DAAM1: variants seen among roughly 807,000 people sequenced by gnomAD.
The protein encoded by DAAM1 is dishevelled associated activator of morphogenesis 1.
DAAM1 carries 52 observed loss-of-function variants against 130.0 expected under a neutral mutation model. The observed-to-expected ratio is 0.40, with a 90% confidence interval of 0.32 to 0.50. The LOEUF (loss-of-function observed/expected upper bound fraction) is 0.50. Among genes scored for constraint, DAAM1 ranks in the 20% least tolerant of loss-of-function variants. DAAM1 has a pLI of 0.61. For synonymous variants in DAAM1, 452 were observed against 444.5 expected (o/e 1.02, Z -0.21); for missense variants, 1,134 against 1,303.8 (o/e 0.87, Z 2.01).
At chr14:59,346,833 G>C (rs1281733541) in intron 16 of DAAM1, among the ~76,000 whole-genome samples, 1 of 151,974 alleles carries the variant, frequency 6.6e-6, no homozygotes. Context: ...TATGTTGATG[G>C]TAGACAGAAA....
chr14:59,265,552 G>C (rs573621358), intron 2 of DAAM1: 1 of 152,326 alleles, frequency 6.6e-6, no homozygotes, highest in South Asian at 2.1e-4. Context: ...GTGTGGTGTG[G>C]GTCAAGGAGA....
intron 12 of DAAM1, among the ~76,000 whole-genome samples, chr14:59,327,402 C>CTTCTTTTT (rs1885248870): frequency 1.7e-5 from 1 of 58,992 alleles, no homozygotes; most frequent in African/African-American, 7.7e-5. Flanking sequence ...CACTTGGTTT[C>CTTCTTTTT]TTTTTTTTTT....
Position 59,331,290 on chromosome 14 carries a change from C to T in DAAM1, c.1642C>T (p.Leu548Phe). Residue 548 changes from leucine (L) to phenylalanine (F), a missense_variant, in exon 14 of 25, where the codon CTC becomes TTC. Leu to Phe is a conservative substitution (Grantham distance 22). Transcript: ENST00000360909. ...GPFPSSVPGS[L>F]LPPPPPPPLP... is the part of the protein sequence containing the mutation. Reference sequence around the variant, plus strand: ...CTTTCCTTCCTCTGTGCCTGGATCTCTCCTTCCTCCCCCACCACCCCCACC... The same window carrying T: ...CTTTCCTTCCTCTGTGCCTGGATCTTTCCTTCCTCCCCCACCACCCCCACC... The T allele has an allele frequency of 1.2e-6, 2 of 1,612,690 alleles. No individual in the cohort carries two copies. Among genetic ancestry groups the T allele is most frequent in the Non-Finnish European group, 1.7e-6 (2 of 1,179,968 alleles).
rs1329538817 is a variant in DAAM1 at position 59,370,924 on chromosome 14, C to A, written c.*2065C>A. The A allele has an allele frequency of 6.6e-6, 1 of 152,020 alleles. No individual in the cohort carries two copies. Among genetic ancestry groups the A allele is most frequent in the Non-Finnish European group, 1.5e-5 (1 of 67,994 alleles). 9.4% of individuals were successfully genotyped at this position (152,020 alleles called of 1,614,324 possible). On this transcript the variant is annotated 3_prime_UTR_variant, in exon 25 of 25. Coordinates refer to ENST00000360909, the MANE Select transcript of DAAM1 (RefSeq NM_001270520.2). ...TTTGTCTTACAGTTTAAGGAATAGACAGGTGGAGGGAAAGTCACATAAAGG... is the reference window on the plus strand; with the variant it reads ...TTTGTCTTACAGTTTAAGGAATAGAAAGGTGGAGGGAAAGTCACATAAAGG...
chr14:59,292,079 C>T (rs1423396274), intron 3 of DAAM1, among the ~76,000 whole-genome samples: 2 of 152,112 alleles, frequency 1.3e-5, no homozygotes, highest in African/African-American at 2.4e-5. Flanking sequence ...AACCCTGTAG[C>T]AGATTCTGAG....
chr14:59,360,772 T>A, intron 21 of DAAM1, 30 bp from the exon 22 acceptor site: 1 of 1,606,192 alleles, frequency 6.2e-7, no homozygotes, highest in Non-Finnish European at 8.5e-7. Flanking sequence ...AGTCACATGT[T>A]GATTGCTAAA....
At chr14:59,202,577 G>C (rs1888139553) in intron 1 of DAAM1, among the ~76,000 whole-genome samples, 2 of 152,170 alleles carry the variant, frequency 1.3e-5, no homozygotes, top group South Asian at 2.1e-4. Flanking sequence ...TATGTTCTTA[G>C]AGAAACCCCC....
At chr14:59,326,713 T>G (rs779557769) in intron 11 of DAAM1, 65 bp downstream of exon 11, 12 of 1,581,914 alleles carry the variant, frequency 7.6e-6, no homozygotes, top group Non-Finnish European at 1.0e-5. Context: ...TATTTTATCC[T>G]ACTTCAGAGT....
chr14:59,352,592 C>T lies in DAAM1; in HGVS notation c.2227C>T (p.Arg743Trp). The T allele has an allele frequency of 7.4e-6, 12 of 1,613,402 alleles. No homozygotes were observed. The highest frequency in any genetic ancestry group is 2.2e-5 in the South Asian group (2 of 90,846). Residue 743 changes from arginine (R) to tryptophan (W), a missense_variant, in exon 18 of 25, where the codon CGG becomes TGG. This residue lies in a region of DAAM1 where 644 missense variants were observed against 695.9 expected (regional missense o/e 0.93). Transcript: ENST00000360909. ...GGAGGAACATAAACACGAACTGGAT[C>T]GGATGGCCAAGGCTGATAGGTTCCT... ...LLEEHKHELD[R>W]MAKADRFLFE...
At position 59,320,470 on chromosome 14, in the gene DAAM1, CTTCTG is replaced by C; in HGVS notation, c.346-17_346-13del. 6.3e-7 allele frequency: 1 copy of C among 1,575,642 alleles called. No individual in the cohort carries two copies. The highest frequency in any genetic ancestry group is 8.6e-7 in the Non-Finnish European group (1 of 1,161,642). The stretch of plus-strand genomic sequence containing the variant: ...TAAAAAATAGAATTTGAAGAAGTAA[CTTCTG>C]TTTTCTTTGCATAGAGAAAATCTCT... On this transcript the variant is annotated splice_polypyrimidine_tract_variant and intron_variant, in intron 4 of 24. Coordinates refer to ENST00000360909, the MANE Select transcript of DAAM1 (RefSeq NM_001270520.2).
intron 3 of DAAM1, among the ~76,000 whole-genome samples, chr14:59,308,635 C>T (rs886611187): frequency 5.3e-5 from 8 of 152,164 alleles, no homozygotes; most frequent in Non-Finnish European, 1.2e-4. Context: ...AGAGGAAACT[C>T]AGCCCAGGTT....
At chr14:59,367,630 C>A in intron 24 of DAAM1, 31 bp downstream of exon 24, 2 of 1,599,700 alleles carry the variant, frequency 1.3e-6, no homozygotes, top group South Asian at 2.2e-5. Context: ...CCAATTCCAC[C>A]TCCTAGAAGT....
intron 12 of DAAM1, among the ~76,000 whole-genome samples, chr14:59,329,549 T>C (rs1459946565): frequency 1.3e-5 from 2 of 152,216 alleles, no homozygotes; most frequent in African/African-American, 4.8e-5. Context: ...AGACCAGCTC[T>C]ATTAGTATAG....
At chr14:59,251,765 C>T (rs1266822147) in intron 1 of DAAM1, among the ~76,000 whole-genome samples, 2 of 152,142 alleles carry the variant, frequency 1.3e-5, no homozygotes, top group Non-Finnish European at 1.5e-5. Context: ...TTCCATATGC[C>T]TCTTTTGAAC....
chr14:59,216,119 T>A lies in DAAM1; in HGVS notation c.-38+27351T>A, dbSNP rs576198957. On this transcript the variant is annotated intron_variant, in intron 1 of 24. Transcript: ENST00000360909. ...CTCCCAGCCCTGTTTGAGCTGATTT[T>A]CTCTTCCTTGAGTCTTGTCCAGCCA... is the stretch of plus-strand genomic sequence containing the variant. Among the ~76,000 whole-genome samples, 217 of 152,262 alleles carry A rather than the reference T, an allele frequency of 1.4e-3. 1 individual carries two copies. Among genetic ancestry groups the A allele is most frequent in the Middle Eastern group, 0.01 (3 of 294 alleles).
At chr14:59,271,985 T>C (rs1157631145) in intron 2 of DAAM1, among the ~76,000 whole-genome samples, 2 of 152,116 alleles carry the variant, frequency 1.3e-5, no homozygotes, top group African/African-American at 4.8e-5. Context: ...AAAAACTGGT[T>C]GTAAAGAGTC....
At chr14:59,204,774 G>A (rs919706103) in intron 1 of DAAM1, among the ~76,000 whole-genome samples, 7 of 152,232 alleles carry the variant, frequency 4.6e-5, no homozygotes, top group Admixed American at 3.9e-4. Context: ...GCTCATGCCT[G>A]TAATTCCAGC....
intron 4 of DAAM1, among the ~76,000 whole-genome samples, chr14:59,319,997 G>A (rs756186438): frequency 6.6e-6 from 1 of 151,944 alleles, no homozygotes; most frequent in Non-Finnish European, 1.5e-5. Flanking sequence ...TAGAAGTTAC[G>A]CATTTACTCT....
chr14:59,254,827 A>G (rs1881801374), intron 1 of DAAM1, among the ~76,000 whole-genome samples: 1 of 152,184 alleles, frequency 6.6e-6, no homozygotes. Context: ...TTAGGATCAA[A>G]ACTTGGAGGT....
Sources: allele counts gnomAD v4.1 joint callset (sites outside exome capture counted in the v4.1 genomes callset), GRCh38; gene constraint gnomAD v4.1.1; regional missense constraint gnomAD v4.1.1; transcripts MANE v1.5; gene names NCBI Gene and HGNC (gene_info 2026-07-23, HGNC 2026-07-21).